Variants in MBD5 observed in about 807,000 individuals in gnomAD.
MBD5 encodes methyl-CpG-binding domain protein 5.
A neutral mutation model predicts 117.3 loss-of-function variants in MBD5; 13 were observed. The observed-to-expected ratio is 0.11, with a 90% CI of 0.07 to 0.18. The LOEUF (loss-of-function observed/expected upper bound fraction) is 0.18. MBD5 is among the 10% of genes least tolerant of loss of function. MBD5 has a pLI of 1.00. For missense variants in MBD5, 1,879 were observed against 2,093.8 expected (o/e 0.90, Z 2.00); for synonymous variants, 727 against 766.4 (o/e 0.95, Z 0.85).
chr2:148,287,840 C>T (rs1282786401), intron 3 of MBD5, among the ~76,000 whole-genome samples: 3 of 152,080 alleles, frequency 2.0e-5, no homozygotes, highest in Non-Finnish European at 4.4e-5. Flanking sequence ...TGAGGGCAGA[C>T]CCCTCATAAC....
intron 1 of MBD5, among the ~76,000 whole-genome samples, chr2:148,152,792 G>A (rs1697723092): frequency 6.6e-6 from 1 of 151,248 alleles, no homozygotes; most frequent in Admixed American, 6.6e-5. Flanking sequence ...CATTTGCTTG[G>A]TAGATCTTCC....
At chr2:148,448,106 C>A (rs190152328) in intron 4 of MBD5, among the ~76,000 whole-genome samples, 1 of 152,174 alleles carries the variant, frequency 6.6e-6, no homozygotes, top group East Asian at 1.9e-4. Context: ...AATGGAGTCT[C>A]CTTGAGATAC....
At chr2:148,201,647 G>T (rs1295041116) in intron 2 of MBD5, among the ~76,000 whole-genome samples, 1 of 152,126 alleles carries the variant, frequency 6.6e-6, no homozygotes, top group Non-Finnish European at 1.5e-5. Context: ...CATCCAAGAA[G>T]AATGAGGTTA....
chr2:148,088,169 A>C (rs1284246070), intron 1 of MBD5, among the ~76,000 whole-genome samples: 1 of 152,110 alleles, frequency 6.6e-6, no homozygotes, highest in African/African-American at 2.4e-5. Flanking sequence ...GGCAAAGAAA[A>C]AAGAATTTAA....
intron 4 of MBD5, among the ~76,000 whole-genome samples, chr2:148,424,929 G>C (rs919552806): frequency 1.3e-5 from 2 of 152,172 alleles, no homozygotes; most frequent in Admixed American, 6.5e-5. Context: ...ACAAGAGAAA[G>C]CGGGAAAGAT....
intron 1 of MBD5, among the ~76,000 whole-genome samples, chr2:148,143,024 G>A (rs1321552554): frequency 2.6e-5 from 4 of 152,124 alleles, no homozygotes; most frequent in Non-Finnish European, 5.9e-5. Context: ...TTAGAGATGG[G>A]TAGAAATGGC....
intron 3 of MBD5, among the ~76,000 whole-genome samples, chr2:148,324,145 G>A (rs960289806): frequency 3.2e-4 from 48 of 152,000 alleles, no homozygotes; most frequent in African/African-American, 1.1e-3. Context: ...CAAAGATCAG[G>A]TAGTTGTAGA....
At chr2:148,328,510 C>T (rs1161357296) in intron 3 of MBD5, among the ~76,000 whole-genome samples, 1 of 152,246 alleles carries the variant, frequency 6.6e-6, no homozygotes, top group East Asian at 1.9e-4. Context: ...GGGCGTAGGA[C>T]CCTCCGACCC....
In MBD5 at chr2:148,021,463, T is replaced by TTGCTGCTGCTGCTGCTGTTGC. The variant is rs1558888979; in HGVS notation, c.-1132_-1112dup. On this transcript the variant is annotated 5_prime_UTR_variant, in exon 1 of 14. Coordinates refer to ENST00000642680, the MANE Select transcript of MBD5 (RefSeq NM_001378120.1). ...CAACACAGACCCTTTGCTGCTGCTGTTGCTGCTGCTGCTGCTGTTGCTGCT... is the reference window on the plus strand; with the variant it reads ...CAACACAGACCCTTTGCTGCTGCTGTTGCTGCTGCTGCTGCTGTTGCTGCTGCTGCTGCTGCTGTTGCTGCT... 4.9e-5 allele frequency: 28 copies of TTGCTGCTGCTGCTGCTGTTGC among 573,776 alleles called. 4 individuals carry two copies. Among genetic ancestry groups the TTGCTGCTGCTGCTGCTGTTGC allele is most frequent in the East Asian group, 2.2e-4 (5 of 22,264 alleles). The allele number at this position is 573,776 out of a possible 1,614,324, so 35.5% of individuals were successfully genotyped here. A position where few individuals can be genotyped will look rare whatever the true frequency, so the allele number is the denominator to read the frequency against.
intron 1 of MBD5, among the ~76,000 whole-genome samples, chr2:148,146,640 TA>T (rs1172496939): frequency 6.6e-6 from 1 of 152,206 alleles, no homozygotes; most frequent in African/African-American, 2.4e-5. Flanking sequence ...ATATTAAGGT[TA>T]TTTTTTCAAT....
At chr2:148,474,810 A>G (rs1680907667) in intron 8 of MBD5, among the ~76,000 whole-genome samples, 2 of 152,170 alleles carry the variant, frequency 1.3e-5, no homozygotes, top group African/African-American at 4.8e-5. Context: ...TATGGTAGGT[A>G]TAAGACAATG....
Position 148,458,658 on chromosome 2 carries a change from CTG to C in MBD5, c.-98_-97del. 2 of 975,886 alleles carry C rather than the reference CTG, an allele frequency of 2.0e-6. No individual in the cohort carries two copies. Among genetic ancestry groups the C allele is most frequent in the Non-Finnish European group, 1.6e-6 (1 of 607,230 alleles). The allele number at this position is 975,886 out of a possible 1,614,324, so 60.5% of individuals were successfully genotyped here. A position where few individuals can be genotyped will look rare whatever the true frequency, so the allele number is the denominator to read the frequency against. ...TGCGTTTTGTACAGTCTGGGAAAAA[CTG>C]TGCTGCACTGGCCCACTTTTGAAGG... is the stretch of plus-strand genomic sequence containing the variant. On this transcript the variant is annotated 5_prime_UTR_variant, in exon 5 of 14. The change abolishes the stop of an existing upstream ORF in the 5' untranslated region. Transcript: ENST00000642680.
intron 4 of MBD5, among the ~76,000 whole-genome samples, chr2:148,369,398 A>G (rs1479036999): frequency 6.6e-6 from 1 of 152,140 alleles, no homozygotes; most frequent in Non-Finnish European, 1.5e-5. Context: ...TTTTAATTTG[A>G]TAAGTTGTAT....
chr2:148,156,085 A>C (rs1182993699), intron 1 of MBD5, among the ~76,000 whole-genome samples: 7 of 152,262 alleles, frequency 4.6e-5, no homozygotes, highest in Admixed American at 2.0e-4. Flanking sequence ...GGACAGGTAC[A>C]AAAGAGCCAG....
chr2:148,213,680 T>A (rs1335555723), intron 2 of MBD5, among the ~76,000 whole-genome samples: 1 of 152,208 alleles, frequency 6.6e-6, no homozygotes, highest in Non-Finnish European at 1.5e-5. Context: ...GATTTGATCA[T>A]CACCAAATTT....
intron 2 of MBD5, among the ~76,000 whole-genome samples, chr2:148,220,245 T>G (rs1296936492): frequency 1.3e-5 from 2 of 152,132 alleles, no homozygotes; most frequent in Non-Finnish European, 1.5e-5. Flanking sequence ...AGTTCAACTA[T>G]TGCTTCAATT....
intron 1 of MBD5, among the ~76,000 whole-genome samples, chr2:148,067,498 T>C (rs1695235040): frequency 6.6e-6 from 1 of 152,236 alleles, no homozygotes. Context: ...CTGTATTTTA[T>C]AGATTCATTC....
chr2:148,398,277 A>C (rs1223670036), intron 4 of MBD5, among the ~76,000 whole-genome samples: 1 of 152,174 alleles, frequency 6.6e-6, no homozygotes, highest in Non-Finnish European at 1.5e-5. Context: ...CCAACAGTGT[A>C]AAAGTGTTCC....
chr2:148,382,068 A>C (rs1704163485), intron 4 of MBD5, among the ~76,000 whole-genome samples: 1 of 152,170 alleles, frequency 6.6e-6, no homozygotes, highest in African/African-American at 2.4e-5. Flanking sequence ...CGAAATAACC[A>C]GCTAACATCA....
Sources: gnomAD v4.1 joint callset for allele counts (sites outside exome capture counted in the v4.1 genomes callset) on GRCh38, gnomAD v4.1.1 for gene constraint, MANE v1.5 for transcripts, NCBI Gene and HGNC (gene_info 2026-07-23, HGNC 2026-07-21) for gene names.